The following MICU2 variants were observed in gnomAD, a reference collection of about 807,000 sequenced individuals.
The protein encoded by MICU2 is mitochondrial calcium uptake 2, also known as calcium uptake protein 2, mitochondrial.
A neutral mutation model predicts 60.4 loss-of-function variants in MICU2; 64 were observed. That is an observed-to-expected ratio of 1.06 (90% confidence interval 0.87 to 1.31). The LOEUF (loss-of-function observed/expected upper bound fraction) is 1.31. MICU2 is among the 50% of genes most tolerant of loss of function. The pLI is 0.00. For synonymous variants in MICU2, 201 were observed against 175.0 expected (o/e 1.15, Z -1.17); for missense variants, 569 against 531.0 (o/e 1.07, Z -0.70).
intron 9 of MICU2, among the ~76,000 whole-genome samples, chr13:21,497,572 C>T (rs1192195132): frequency 6.6e-6 from 1 of 151,762 alleles, no homozygotes; most frequent in South Asian, 2.1e-4. Context: ...TAGCCAGGCA[C>T]GGTGGCATGT....
At chr13:21,553,912 A>G (rs916555967) in intron 2 of MICU2, among the ~76,000 whole-genome samples, 17 of 152,168 alleles carry the variant, frequency 1.1e-4, no homozygotes, top group African/African-American at 4.1e-4. Flanking sequence ...CTTTAAACCA[A>G]CAAAGATCAA....
intron 1 of MICU2, among the ~76,000 whole-genome samples, chr13:21,598,214 TA>T (rs903540758): frequency 9.9e-5 from 15 of 151,998 alleles, no homozygotes; most frequent in African/African-American, 2.9e-4. Flanking sequence ...TGTTATGAAT[TA>T]AAAAAAACTA....
intron 2 of MICU2, among the ~76,000 whole-genome samples, chr13:21,548,686 C>A (rs968001921): frequency 1.3e-5 from 2 of 152,176 alleles, no homozygotes; most frequent in Non-Finnish European, 2.9e-5. Flanking sequence ...CAATAAGCCA[C>A]CCTTTACCAC....
chr13:21,515,546 A>G (rs1886550531), intron 6 of MICU2: 1 of 441,026 alleles, frequency 2.3e-6, no homozygotes, highest in Admixed American at 2.4e-5. Context: ...GCCTTTCAGA[A>G]TCAATTGTAT....
chr13:21,493,674 T>C (rs983757420), intron 11 of MICU2, among the ~76,000 whole-genome samples: 1 of 152,036 alleles, frequency 6.6e-6, no homozygotes, highest in Admixed American at 6.5e-5. Flanking sequence ...CTTTATAATG[T>C]TTTCCTTTTA....
intron 10 of MICU2, 140 bp from the exon 11 acceptor site, chr13:21,495,458 T>A: frequency 1.3e-6 from 1 of 786,518 alleles, no homozygotes; most frequent in Non-Finnish European, 1.9e-6. Context: ...AAAATACCCA[T>A]GAAGAAAATA....
chr13:21,603,941 G>C lies in MICU2; in HGVS notation c.208C>G (p.Gln70Glu). The C allele has an allele frequency of 6.2e-7, 1 of 1,612,496 alleles. No homozygotes were observed. Among genetic ancestry groups the C allele is most frequent in the Non-Finnish European group, 8.5e-7 (1 of 1,179,576 alleles). Residue 70 changes from glutamine to glutamate, a missense_variant and splice_region_variant, in exon 1 of 12, where the codon CAG becomes GAG. Gln to Glu is a conservative substitution (Grantham distance 29, BLOSUM62 2). Transcript: ENST00000382374. ...AGCAGAAGGAGTTAGTCCTGTACCT[G>C]TGCGGAGACTGTAAAACTGCCATCC... Reference protein sequence around the residue: ...ARDGSFTVSAQKNVEHGIIYI... With the variant: ...ARDGSFTVSAEKNVEHGIIYI...
chr13:21,582,339 A>C (rs757550023), intron 1 of MICU2, among the ~76,000 whole-genome samples: 1 of 152,230 alleles, frequency 6.6e-6, no homozygotes, highest in African/African-American at 2.4e-5. Context: ...AAGTCATCAT[A>C]AGAAGAGGAT....
intron 6 of MICU2, 129 bp from the exon 7 acceptor site, chr13:21,514,547 T>A (rs2138154404): frequency 3.2e-6 from 2 of 630,944 alleles, no homozygotes; most frequent in East Asian, 5.9e-5. Flanking sequence ...CTTCTTTTTT[T>A]TTTTGAGATG....
chr13:21,503,163 G>T, intron 8 of MICU2, 66 bp from the exon 9 acceptor site: 1 of 1,184,826 alleles, frequency 8.4e-7, no homozygotes, highest in Non-Finnish European at 1.2e-6. Flanking sequence ...TTGTAAATGG[G>T]TCTGCAAAGT....
intron 6 of MICU2, among the ~76,000 whole-genome samples, chr13:21,516,169 A>G (rs1886564263): frequency 6.6e-6 from 1 of 152,170 alleles, no homozygotes. Flanking sequence ...ATGTACAAAT[A>G]TCAGCCAATT....
intron 1 of MICU2, 176 bp downstream of exon 1, chr13:21,603,763 G>A: frequency 1.5e-6 from 1 of 688,874 alleles, no homozygotes; most frequent in Non-Finnish European, 2.4e-6. Context: ...GGGGACTCAG[G>A]CCGGGGGCCG....
At chr13:21,500,356 C>T (rs1886114566) in intron 9 of MICU2, among the ~76,000 whole-genome samples, 1 of 150,760 alleles carries the variant, frequency 6.6e-6, no homozygotes, top group Non-Finnish European at 1.5e-5. Flanking sequence ...TTCAAGTTCT[C>T]ATGATATATT....
chr13:21,566,532 C>T (rs1887986330), intron 2 of MICU2, among the ~76,000 whole-genome samples: 2 of 151,094 alleles, frequency 1.3e-5, no homozygotes, highest in Non-Finnish European at 2.9e-5. Flanking sequence ...ATAACATGGA[C>T]AAAGTAATTA....
chr13:21,555,824 C>G (rs1286284284), intron 2 of MICU2, among the ~76,000 whole-genome samples: 1 of 152,158 alleles, frequency 6.6e-6, no homozygotes, highest in Non-Finnish European at 1.5e-5. Context: ...AACAACTTGA[C>G]CAGCTTCCAT....
At chr13:21,533,886 C>G (rs1053018890) in intron 4 of MICU2, among the ~76,000 whole-genome samples, 2 of 152,012 alleles carry the variant, frequency 1.3e-5, no homozygotes, top group Non-Finnish European at 2.9e-5. Context: ...TCTAGTATAT[C>G]TTAGAAATAA....
rs1255065227 is a variant in MICU2, at chr13:21,514,351, A to G, written c.663+2T>C. 1.9e-6 allele frequency: 3 copies of G among 1,609,380 alleles called. No homozygotes were observed. Among genetic ancestry groups the G allele is most frequent in the African/African-American group, 2.7e-5 (2 of 74,732 alleles). ...AATTGTTTGGAAATCATCTGTACATACCTGATATCCAGTTTCATTAGTTTT... is the reference window on the plus strand; with the variant it reads ...AATTGTTTGGAAATCATCTGTACATGCCTGATATCCAGTTTCATTAGTTTT... On this transcript the variant is annotated splice_donor_variant, in intron 7 of 11. Transcript: ENST00000382374. LOFTEE classifies it high-confidence loss of function.
rs1025779701 is a variant in MICU2 at position 21,535,594 on chromosome 13, C to A, written c.466+3708G>T. Among the ~76,000 whole-genome samples the A allele has an allele frequency of 1.3e-5, 2 of 152,030 alleles. 1 individual carries two copies. The highest frequency in any genetic ancestry group is 6.3e-3 in the Middle Eastern group (2 of 316). On this transcript the variant is annotated intron_variant, in intron 4 of 11. Coordinates refer to ENST00000382374, the MANE Select transcript of MICU2 (RefSeq NM_152726.3). The stretch of plus-strand genomic sequence containing the variant: ...TTTATTAACTATGATTTTAAAAATA[C>A]CATTTATTTACAAACTCATTAAGAG...
chr13:21,585,466 A>G (rs1475980960), intron 1 of MICU2, among the ~76,000 whole-genome samples: 2 of 152,188 alleles, frequency 1.3e-5, no homozygotes, highest in African/African-American at 4.8e-5. Flanking sequence ...ACTGCACACA[A>G]ATATACTAGC....
Sources: gnomAD v4.1 joint callset for allele counts (sites outside exome capture counted in the v4.1 genomes callset) on GRCh38, gnomAD v4.1.1 for gene constraint, MANE v1.5 for transcripts, NCBI Gene and HGNC (gene_info 2026-07-23, HGNC 2026-07-21) for gene names.